ODAD2: variants seen among roughly 807,000 people sequenced by gnomAD.
ODAD2 encodes the protein outer dynein arm-docking complex subunit 2.
Under a neutral mutation model 106.8 loss-of-function variants are expected in ODAD2, and 89 were observed. The ratio of observed to expected loss-of-function variants is 0.83; its 90% confidence interval spans 0.70 to 0.99. The LOEUF is 0.99. ODAD2 is among the 50% of genes least tolerant of loss of function. ODAD2 has a pLI of 0.00. For missense variants in ODAD2, 1,168 were observed against 1,238.5 expected, an observed-to-expected ratio of 0.94 and a Z score of 0.85; for synonymous variants, 404 against 436.2, an observed-to-expected ratio of 0.93 and a Z score of 0.92.
At chr10:27,868,108 T>C (rs1840585275) in intron 17 of ODAD2, among the ~76,000 whole-genome samples, 1 of 152,058 alleles carries the variant, frequency 6.6e-6, no homozygotes, top group Non-Finnish European at 1.5e-5. Context: ...GTTAGAGAAA[T>C]GCTAATCAAA....
At chr10:27,936,682 A>C (rs1181913679) in intron 15 of ODAD2, 44 bp downstream of exon 15, 2 of 1,607,456 alleles carry the variant, frequency 1.2e-6, no homozygotes, top group Non-Finnish European at 1.7e-6. Context: ...AAGGTGTTTC[A>C]GAAGCCGTAT....
chr10:27,934,981 A>G, intron 16 of ODAD2, 29 bp downstream of exon 16: 2 of 1,612,784 alleles, frequency 1.2e-6, no homozygotes, highest in Non-Finnish European at 1.7e-6. Context: ...ACACTTATAT[A>G]AAATCTTTCC....
intron 10 of ODAD2, among the ~76,000 whole-genome samples, chr10:27,960,465 G>A (rs1848056683): frequency 6.6e-6 from 1 of 151,506 alleles, no homozygotes; most frequent in African/African-American, 2.4e-5. Context: ...TCCTGCCTCA[G>A]CATCCCGAGT....
At position 27,871,022 on chromosome 10, in the gene ODAD2, T is replaced by G. The variant is rs149045218; in HGVS notation, c.2611-8400A>C. Among the ~76,000 whole-genome samples the G allele has an allele frequency of 8.7e-3, 1,324 of 152,292 alleles. 23 individuals carry two copies. Among genetic ancestry groups the G allele is most frequent in the African/African-American group, 0.03 (1,252 of 41,552 alleles). On this transcript the variant is annotated intron_variant, in intron 17 of 19. Transcript: ENST00000305242. ...TACATCCTCTCCAGCATCTGTTGTT[T>G]CCTGACTTTTTAATGATCGACATTC...
intron 17 of ODAD2, among the ~76,000 whole-genome samples, chr10:27,894,376 T>C (rs1454917003): frequency 1.3e-5 from 2 of 152,106 alleles, no homozygotes; most frequent in Admixed American, 1.3e-4. Flanking sequence ...TCTTTGGTCA[T>C]ATTATTTCCC....
At chr10:27,875,824 G>A (rs1355115777) in intron 17 of ODAD2, among the ~76,000 whole-genome samples, 1 of 152,172 alleles carries the variant, frequency 6.6e-6, no homozygotes, top group East Asian at 1.9e-4. Context: ...GATGGCACCT[G>A]GAAAATCGGG....
chr10:27,903,843 C>T (rs1282894454), intron 17 of ODAD2, among the ~76,000 whole-genome samples: 3 of 152,144 alleles, frequency 2.0e-5, no homozygotes, highest in Non-Finnish European at 2.9e-5. Flanking sequence ...GGCTGCCTGT[C>T]ATTTCCATGA....
At chr10:27,864,007 G>A (rs1840257500) in intron 17 of ODAD2, among the ~76,000 whole-genome samples, 1 of 152,010 alleles carries the variant, frequency 6.6e-6, no homozygotes, top group African/African-American at 2.4e-5. Flanking sequence ...GAAGTGTGGG[G>A]GAAGGATTTT....
chr10:27,883,421 G>C (rs931606507), intron 17 of ODAD2, among the ~76,000 whole-genome samples: 3 of 151,852 alleles, frequency 2.0e-5, no homozygotes, highest in African/African-American at 7.3e-5. Flanking sequence ...CCACGGGAAG[G>C]GGAGAGTCTG....
chr10:27,814,564 C>G (rs1215691535), intron 19 of ODAD2, among the ~76,000 whole-genome samples: 1 of 152,196 alleles, frequency 6.6e-6, no homozygotes, highest in Middle Eastern at 3.2e-3. Flanking sequence ...TTTCAACAGT[C>G]TGACCTCCAA....
chr10:27,943,556 G>T (rs1265722883), intron 12 of ODAD2, among the ~76,000 whole-genome samples: 1 of 151,986 alleles, frequency 6.6e-6, no homozygotes, highest in Non-Finnish European at 1.5e-5. Context: ...GGAGGCCAAG[G>T]TGGGCGGATT....
chr10:27,852,104 T>TA (rs1307420568), intron 19 of ODAD2, among the ~76,000 whole-genome samples: 1 of 152,036 alleles, frequency 6.6e-6, no homozygotes, highest in Non-Finnish European at 1.5e-5. Flanking sequence ...AAAGACAAAA[T>TA]AAAAAGTCTT....
intron 1 of ODAD2, chr10:27,997,440 G>GA (rs1342297378): frequency 1.3e-5 from 2 of 152,002 alleles, no homozygotes; most frequent in African/African-American, 2.4e-5. Context: ...CATTTTTAAA[G>GA]AAAAAATGCG....
At chr10:27,923,492 T>A (rs1844937317) in intron 16 of ODAD2, among the ~76,000 whole-genome samples, 1 of 152,104 alleles carries the variant, frequency 6.6e-6, no homozygotes, top group Non-Finnish European at 1.5e-5. Flanking sequence ...ATAGAAGATG[T>A]AAGAAGATTT....
At chr10:27,900,333 A>G (rs1023056671) in intron 17 of ODAD2, among the ~76,000 whole-genome samples, 1 of 152,236 alleles carries the variant, frequency 6.6e-6, no homozygotes, top group African/African-American at 2.4e-5. Flanking sequence ...CAAAGACCAA[A>G]GGTAGATAAA....
At position 27,907,706 on chromosome 10, in the gene ODAD2, G is replaced by A. The variant is rs1241280737; in HGVS notation, c.2567C>T (p.Ala856Val). 4.3e-6 allele frequency: 7 copies of A among 1,613,698 alleles called. No individual in the cohort carries two copies. In the African/African-American group the frequency reaches 9.3e-5, roughly 22 times the overall value. The change falls in exon 17 of 20, where the codon GCC becomes GTC. Residue 856 changes from alanine (A) to valine (V), a missense_variant. By Grantham distance (64) the Ala-to-Val change is moderately conservative. This residue lies in a region of ODAD2 where 701 missense variants were observed against 712.3 expected (regional missense o/e 0.98). Transcript: ENST00000305242. ...TGGACAGAGTGCCCATGCTGCGCTG[G>A]CCTTCACGTCTGGGTGAGGATTTTT... ...LLKNPHPDVK[A>V]SAAWALCPCI...
intron 17 of ODAD2, among the ~76,000 whole-genome samples, chr10:27,903,596 CAA>C (rs1843368078): frequency 6.6e-6 from 1 of 152,196 alleles, no homozygotes; most frequent in Admixed American, 6.5e-5. Flanking sequence ...CCAACTTCAG[CAA>C]AGTCTCAGGA....
At chr10:27,950,787 A>C (rs1454240455) in intron 10 of ODAD2, among the ~76,000 whole-genome samples, 1 of 152,164 alleles carries the variant, frequency 6.6e-6, no homozygotes, top group Non-Finnish European at 1.5e-5. Flanking sequence ...TGGAACATTT[A>C]CAGGAATTGA....
intron 19 of ODAD2, among the ~76,000 whole-genome samples, chr10:27,848,794 C>T (rs949928026): frequency 3.5e-4 from 54 of 152,212 alleles, no homozygotes; most frequent in Non-Finnish European, 7.1e-4. Flanking sequence ...AATAGACACA[C>T]GAGAAAATGC....
Sources: allele counts gnomAD v4.1 joint callset (sites outside exome capture counted in the v4.1 genomes callset), GRCh38; gene constraint gnomAD v4.1.1; regional missense constraint gnomAD v4.1.1; transcripts MANE v1.5; gene names NCBI Gene and HGNC (gene_info 2026-07-23, HGNC 2026-07-21).